The following PKHD1L1 variants were observed in gnomAD, a reference collection of about 807,000 sequenced individuals.
The protein encoded by PKHD1L1 is fibrocystin-L.
A neutral mutation model predicts 462.9 loss-of-function variants in PKHD1L1; 434 were observed. The observed-to-expected ratio is 0.94, with a 90% CI of 0.87 to 1.02. The LOEUF is 1.02. PKHD1L1 is among the 50% of genes least tolerant of loss of function. PKHD1L1 has a pLI of 0.00. For missense variants in PKHD1L1, 5,202 were observed against 5,096.1 expected (o/e 1.02, Z -0.63); for synonymous variants, 1,781 against 1,750.0 (o/e 1.02, Z -0.44).
intron 2 of PKHD1L1, among the ~76,000 whole-genome samples, chr8:109,366,602 T>TA (rs1455329092): frequency 6.6e-6 from 1 of 152,136 alleles, no homozygotes; most frequent in African/African-American, 2.4e-5. Flanking sequence ...TCTTGTTACA[T>TA]ATTCTTATCA....
In PKHD1L1 at chr8:109,425,175, G is replaced by T. The variant is rs1258024613; in HGVS notation, c.2788G>T (p.Ala930Ser). 1.9e-6 allele frequency: 3 copies of T among 1,609,294 alleles called. No individual in the cohort carries two copies. Among genetic ancestry groups the T allele is most frequent in the Non-Finnish European group, 2.5e-6 (3 of 1,178,114 alleles). Residue 930 changes from alanine (A) to serine (S), a missense_variant, in exon 24 of 78, where the codon GCA (alanine) becomes TCA (serine). Coordinates refer to ENST00000378402, the MANE Select transcript of PKHD1L1 (RefSeq NM_177531.6). ...SKIHIQRIQA[A>S]SPPLSGSFDI... ...AATTCATATTCAAAGAATTCAAGCT[G>T]CATCTCCACCTCTAAGTGGCAGCTT...
chr8:109,499,511 T>C (rs1483018308), intron 67 of PKHD1L1, among the ~76,000 whole-genome samples: 1 of 151,526 alleles, frequency 6.6e-6, no homozygotes, highest in Non-Finnish European at 1.5e-5. Flanking sequence ...TTGTATAACA[T>C]GCTACATAGG....
At chr8:109,459,511 A>T in intron 46 of PKHD1L1, 84 bp from the exon 47 acceptor site, 2 of 1,122,982 alleles carry the variant, frequency 1.8e-6, no homozygotes, top group South Asian at 2.1e-5. Context: ...CAGAGTATTT[A>T]AAATGAATAA....
In PKHD1L1 at chr8:109,382,543, A is replaced by T. The variant is rs776959366; in HGVS notation, c.389A>T (p.His130Leu). 3.1e-6 allele frequency: 5 copies of T among 1,612,230 alleles called. No homozygotes were observed. Among genetic ancestry groups the T allele is most frequent in the African/African-American group, 1.3e-5 (1 of 74,800 alleles). Residue 130 changes from histidine (H) to leucine (L), a missense_variant, in exon 4 of 78, where the codon CAC becomes CTC. Transcript: ENST00000378402. ...PVTENNTCKGHINSWECTFNA... is the reference protein window; with the variant it reads ...PVTENNTCKGLINSWECTFNA... ...ACGGAAAATAACACCTGCAAAGGTC[A>T]CATCAACAGCTGGGAATGTACCTTC...
At chr8:109,506,341 G>A (rs1819691445) in intron 68 of PKHD1L1, among the ~76,000 whole-genome samples, 1 of 152,132 alleles carries the variant, frequency 6.6e-6, no homozygotes, top group Non-Finnish European at 1.5e-5. Flanking sequence ...CCAGCCTGCA[G>A]TCCCTGTAAA....
chr8:109,409,865 T>C lies in PKHD1L1; in HGVS notation c.1972T>C (p.Phe658Leu). 6.4e-7 allele frequency: 1 copy of C among 1,563,914 alleles called. No individual in the cohort carries two copies. Among genetic ancestry groups the C allele is most frequent in the East Asian group, 2.3e-5 (1 of 43,380 alleles). Residue 658 changes from phenylalanine (F) to leucine (L), a missense_variant and splice_region_variant, in exon 19 of 78, where the codon TTT (phenylalanine) becomes CTT (leucine). By Grantham distance (22) the Phe-to-Leu change is conservative (BLOSUM62 0). Coordinates refer to ENST00000378402, the MANE Select transcript of PKHD1L1 (RefSeq NM_177531.6). ...PLTLWSSEAE[F>L]QGAVEEMVST... Reference sequence around the variant, plus strand: ...ACTAATGTTTATATTGTTAATTTAGTTTCAGGGAGCAGTGGAAGAAATGGT... The same window carrying C: ...ACTAATGTTTATATTGTTAATTTAGCTTCAGGGAGCAGTGGAAGAAATGGT...
At chr8:109,440,894 A>G in intron 33 of PKHD1L1, 42 bp downstream of exon 33, 17 of 1,586,478 alleles carry the variant, frequency 1.1e-5, no homozygotes, top group Non-Finnish European at 1.5e-5. Flanking sequence ...CATTTTTCTC[A>G]GCTTAAAGGA....
rs142972518 is a variant in PKHD1L1, at chr8:109,435,283, G to C, written c.3434G>C (p.Gly1145Ala). Residue 1145 changes from glycine to alanine, a missense_variant, in exon 29 of 78, where the codon GGG becomes GCG. Gly to Ala is a moderately conservative substitution (Grantham distance 60). Transcript: ENST00000378402. Reference sequence around the variant, plus strand: ...GATGTTGGACTAGCACAGAATGTAGGGGGTGAAGAGTTCTACTTTGTTTAT... The same window carrying C: ...GATGTTGGACTAGCACAGAATGTAGCGGGTGAAGAGTTCTACTTTGTTTAT... Reference protein sequence around the residue: ...MADVGLAQNVGGEEFYFVYQS... With the variant: ...MADVGLAQNVAGEEFYFVYQS... The C allele has an allele frequency of 0.019, 31,082 of 1,613,854 alleles. 392 individuals carry two copies. The highest frequency in any genetic ancestry group is 0.033 in the South Asian group (3,008 of 91,076).
chr8:109,528,661 C>T (rs146026565), intron 77 of PKHD1L1, among the ~76,000 whole-genome samples: 59 of 152,298 alleles, frequency 3.9e-4, no homozygotes, highest in African/African-American at 1.3e-3. Context: ...TTCTCCTCTC[C>T]CTTGGTCTCC....
intron 71 of PKHD1L1, 141 bp from the exon 72 acceptor site, chr8:109,515,029 T>G: frequency 5.1e-6 from 3 of 586,150 alleles, no homozygotes; most frequent in South Asian, 3.2e-5. Flanking sequence ...ATTTTAAAAT[T>G]TTAGTTCATC....
At chr8:109,389,242 C>T (rs1812589798) in intron 8 of PKHD1L1, 90 bp downstream of exon 8, 1 of 956,944 alleles carries the variant, frequency 1.0e-6, no homozygotes, top group East Asian at 2.6e-5. Context: ...CTCCTCTGCC[C>T]TTTTGGATCA....
In PKHD1L1 at chr8:109,362,504, G is replaced by T; in HGVS notation, c.-77G>T. On this transcript the variant is annotated 5_prime_UTR_variant, in exon 1 of 78. Transcript: ENST00000378402. ...GACGAAGCGGGCCCGCCAGCGAGTC[G>T]CAGTCCCAGGAGCCGAGCTCCAGCA... is the stretch of plus-strand genomic sequence containing the variant. 1.4e-6 allele frequency: 2 copies of T among 1,403,354 alleles called. No individual in the cohort carries two copies. Among genetic ancestry groups the T allele is most frequent in the Non-Finnish European group, 9.9e-7 (1 of 1,014,310 alleles). 86.9% of individuals were successfully genotyped at this position (1,403,354 alleles called of 1,614,324 possible).
chr8:109,483,339 G>C lies in PKHD1L1; in HGVS notation c.9576+234G>C, dbSNP rs1219475643. 2.0e-5 allele frequency among the ~76,000 whole-genome samples: 3 copies of C among 150,084 alleles called. No homozygotes were observed. In the East Asian group the frequency reaches 5.8e-4, roughly 29 times the overall value. On this transcript the variant is annotated intron_variant, in intron 57 of 77. Coordinates refer to ENST00000378402, the MANE Select transcript of PKHD1L1 (RefSeq NM_177531.6). Reference sequence around the variant, plus strand: ...TATGTGTGTGTGCATATAATACATAGGTATGTATATTGTATTTATATATAT... The same window carrying C: ...TATGTGTGTGTGCATATAATACATACGTATGTATATTGTATTTATATATAT...
intron 72 of PKHD1L1, 41 bp downstream of exon 72, chr8:109,515,346 C>G (rs769257330): frequency 1.5e-6 from 2 of 1,340,630 alleles, no homozygotes; most frequent in South Asian, 1.7e-5. Context: ...GGAAAATGTA[C>G]TTATTTATAA....
rs774988676 is a variant in PKHD1L1 at position 109,454,714 on chromosome 8, CT to C, written c.6745-5del. The C allele has an allele frequency of 1.2e-6, 2 of 1,612,288 alleles. No homozygotes were observed. The highest frequency in any genetic ancestry group is 2.7e-5 in the African/African-American group (2 of 74,862). ...ATTTTCTGAATGGCATTTGTGACATCTTTTGCAGATTGGAACAGAGACATCC... is the reference window on the plus strand; with the variant it reads ...ATTTTCTGAATGGCATTTGTGACATCTTTGCAGATTGGAACAGAGACATCC... On this transcript the variant is annotated splice_polypyrimidine_tract_variant and splice_region_variant and intron_variant, in intron 44 of 77. Coordinates refer to ENST00000378402, the MANE Select transcript of PKHD1L1 (RefSeq NM_177531.6).
At chr8:109,412,945 T>C (rs556140013) in intron 20 of PKHD1L1, among the ~76,000 whole-genome samples, 95 of 152,268 alleles carry the variant, frequency 6.2e-4, no homozygotes, top group Admixed American at 3.1e-3. Flanking sequence ...ATATTTGGCA[T>C]GCTTAAGGAC....
At position 109,452,136 on chromosome 8, in the gene PKHD1L1, G is replaced by A. The variant is rs1468338579; in HGVS notation, c.6363G>A (p.Glu2121=). 5 of 1,608,598 alleles carry A rather than the reference G, an allele frequency of 3.1e-6. No homozygotes were observed. The highest frequency in any genetic ancestry group is 4.2e-6 in the Non-Finnish European group (5 of 1,177,706). Residue 2121 remains glutamate (E), a synonymous_variant, in exon 42 of 78, where the codon GAG becomes GAA. Transcript: ENST00000378402. ...VVGSGFSENM[E]DVHITIAEAK... ...CTCTTTTTTACAGTGAAAATATGGAGGATGTTCATATCACCATAGCTGAAG... is the reference window on the plus strand; with the variant it reads ...CTCTTTTTTACAGTGAAAATATGGAAGATGTTCATATCACCATAGCTGAAG...
intron 76 of PKHD1L1, 29 bp downstream of exon 76, chr8:109,523,415 A>G: frequency 6.4e-7 from 1 of 1,568,984 alleles, no homozygotes; most frequent in Non-Finnish European, 8.7e-7. Context: ...ATCCTCACAT[A>G]TATAGCCATA....
chr8:109,508,187 G>A lies in PKHD1L1; in HGVS notation c.11318G>A (p.Ser3773Asn). 1.2e-6 allele frequency: 2 copies of A among 1,613,358 alleles called. No homozygotes were observed. The highest frequency in any genetic ancestry group is 1.7e-6 in the Non-Finnish European group (2 of 1,179,470). Residue 3773 changes from serine (S) to asparagine (N), a missense_variant, in exon 70 of 78, where the codon AGT becomes AAT. Physicochemically the swap from Ser to Asn is conservative, Grantham distance 46 (BLOSUM62 1). Transcript: ENST00000378402. ...GAATATGCAATGATGGTTATTGAAA[G>A]TCTGGATCCTGACACAGAAACTCGA... is the stretch of plus-strand genomic sequence containing the variant. ...GMEYAMMVIESLDPDTETRRL... is the reference protein window; with the variant it reads ...GMEYAMMVIENLDPDTETRRL...
Sources: gnomAD v4.1 joint callset for allele counts (sites outside exome capture counted in the v4.1 genomes callset) on GRCh38, gnomAD v4.1.1 for gene constraint, MANE v1.5 for transcripts, NCBI Gene and HGNC (gene_info 2026-07-23, HGNC 2026-07-21) for gene names.